Variants in DBN1 observed in about 807,000 individuals in gnomAD.
DBN1 encodes the protein drebrin.
DBN1 carries 21 observed loss-of-function variants against 83.5 expected under a neutral mutation model. That is an observed-to-expected ratio of 0.25 (90% CI 0.18 to 0.36). DBN1 has a LOEUF of 0.36. Among genes scored for constraint, DBN1 ranks in the 10% least tolerant of loss-of-function variants. DBN1 has a pLI of 1.00. For synonymous variants in DBN1, 381 were observed against 384.9 expected (o/e 0.99, Z 0.12); for missense variants, 874 against 935.7 (o/e 0.93, Z 0.86).
intron 8 of DBN1, among the ~76,000 whole-genome samples, chr5:177,462,793 G>A (rs1366235501): frequency 4.6e-5 from 7 of 152,128 alleles, no homozygotes; most frequent in Non-Finnish European, 1.0e-4. Flanking sequence ...CACCTCAGGA[G>A]GGCTATCACC....
In DBN1 at chr5:177,473,507, G is replaced by A. The variant is rs1260319448; in HGVS notation, c.15C>T (p.Ser5=). The part of the protein sequence containing the change: MAGV[S]FSGHRLELLA... ...GCAGCTCCAGGCGGTGGCCGCTGAA[G>A]CTGACGCCGGCCATGCTTCGGGCCG... is the stretch of plus-strand genomic sequence containing the variant. The change falls in exon 1 of 15, where the codon AGC becomes AGT. Residue 5 remains serine, a synonymous_variant. Coordinates refer to ENST00000393565, the MANE Select transcript of DBN1 (RefSeq NM_001363541.2). 7.0e-7 allele frequency: 1 copy of A among 1,429,774 alleles called. No homozygotes were observed. The highest frequency in any genetic ancestry group is 9.2e-7 in the Non-Finnish European group (1 of 1,083,836). 88.6% of individuals were successfully genotyped at this position (1,429,774 alleles called of 1,614,324 possible).
Position 177,468,147 on chromosome 5 carries a change from G to A in DBN1, c.216C>T (p.Asp72=), listed in dbSNP as rs1213128790. 2.5e-6 allele frequency: 4 copies of A among 1,614,058 alleles called. No individual in the cohort carries two copies. Among genetic ancestry groups the A allele is most frequent in the Non-Finnish European group, 3.4e-6 (4 of 1,180,022 alleles). The change falls in exon 3 of 15, where the codon GAC becomes GAT. Residue 72 remains aspartate (D), a synonymous_variant. Transcript: ENST00000393565. ...KVMYGFCSVK[D]SQAALPKYVL... ...CGTATTTTGGCAGAGCAGCTTGGGA[G>A]TCCTTGACACTGCAGAAGCCGTACA... is the stretch of plus-strand genomic sequence containing the variant.
At position 177,466,642 on chromosome 5, in the gene DBN1, T is replaced by A. The variant is rs1018346810; in HGVS notation, c.771+130A>T. ...CCAGGCCTCATGCTCCATGGCACCC[T>A]GTGCCCATGCAGCTCCCCAGAACAG... On this transcript the variant is annotated intron_variant, in intron 8 of 14. Coordinates refer to ENST00000393565, the MANE Select transcript of DBN1 (RefSeq NM_001363541.2). This position sits in a 1 kb window ranked among gnomAD's most constrained non-coding sequence, Gnocchi z 4.8. The A allele has an allele frequency of 5.8e-6, 6 of 1,038,480 alleles. No homozygotes were observed. Among genetic ancestry groups the A allele is most frequent in the Non-Finnish European group, 9.1e-6 (6 of 662,780 alleles). The allele number at this position is 1,038,480 out of a possible 1,614,324, so 64.3% of individuals were successfully genotyped here.
chr5:177,471,940 C>A (rs1248674134), intron 1 of DBN1, among the ~76,000 whole-genome samples: 2 of 152,044 alleles, frequency 1.3e-5, no homozygotes, highest in African/African-American at 4.8e-5. Flanking sequence ...AGGAGGTGTT[C>A]TGGGGTGAGC....
At chr5:177,465,194 C>G (rs934899240) in intron 8 of DBN1, among the ~76,000 whole-genome samples, 1 of 152,168 alleles carries the variant, frequency 6.6e-6, no homozygotes, top group Non-Finnish European at 1.5e-5. Flanking sequence ...AAACCTCACT[C>G]TGAAAGGATA....
chr5:177,459,926 G>A (rs1426762823), intron 10 of DBN1, among the ~76,000 whole-genome samples, 186 bp from the exon 11 acceptor site: 1 of 152,184 alleles, frequency 6.6e-6, no homozygotes, highest in East Asian at 1.9e-4. Context: ...GCCAGCCTGG[G>A]AGCAGTACAG....
intron 1 of DBN1, among the ~76,000 whole-genome samples, chr5:177,471,310 T>C (rs774994715): frequency 1.5e-4 from 23 of 152,086 alleles, no homozygotes; most frequent in Non-Finnish European, 2.6e-4. Context: ...CAGGAACTTG[T>C]GTATGATCAC....
intron 9 of DBN1, 33 bp downstream of exon 9, chr5:177,460,611 C>A (rs752773350): frequency 6.2e-7 from 1 of 1,614,168 alleles, no homozygotes; most frequent in Admixed American, 1.7e-5. Flanking sequence ...ATAGCCCTGT[C>A]TGCCTCACCT....
Position 177,467,779 on chromosome 5 carries a change from A to G in DBN1, c.294T>C (p.Cys98=). The part of the protein sequence containing the change: ...EDVPDARKCA[C]ASHVAKVAEF... Reference sequence around the variant, plus strand: ...CCGCCACCTTAGCCACGTGGCTGGCACAAGCGCACTTGCGGGCATCAGGCA... The same window carrying G: ...CCGCCACCTTAGCCACGTGGCTGGCGCAAGCGCACTTGCGGGCATCAGGCA... Residue 98 remains cysteine (C), a synonymous_variant, in exon 4 of 15, where the codon TGT becomes TGC. Coordinates refer to ENST00000393565, the MANE Select transcript of DBN1 (RefSeq NM_001363541.2). The surrounding 1 kb of genome is among the most constrained non-coding windows in gnomAD (Gnocchi z 9.1). 1.3e-6 allele frequency: 2 copies of G among 1,556,386 alleles called. No homozygotes were observed. The highest frequency in any genetic ancestry group is 1.7e-6 in the Non-Finnish European group (2 of 1,150,030).
chr5:177,457,746 C>G lies in DBN1; in HGVS notation c.1926G>C (p.Gly642=), dbSNP rs146107880. 47 of 1,608,390 alleles carry G rather than the reference C, an allele frequency of 2.9e-5. No individual in the cohort carries two copies. The African/African-American group carries it at 5.7e-4, about 20-fold the overall frequency. ...CCTCCTCCTGTGATTGACTGAAGTA[C>G]CCCTCACTGGCCTGCAGGGGAAAGC... ...TQKEGTQASE[G]YFSQSQEEEF... Residue 642 remains glycine (G), a synonymous_variant, in exon 14 of 15, where the codon GGG becomes GGC. Transcript: ENST00000393565.
intron 10 of DBN1, 128 bp from the exon 11 acceptor site, chr5:177,459,868 C>T: frequency 9.3e-7 from 1 of 1,070,422 alleles, no homozygotes; most frequent in South Asian, 1.9e-5. Context: ...CAGCCAGGGG[C>T]ACAATCAGCC....
Position 177,460,701 on chromosome 5 carries a change from AC to A in DBN1, c.773del (p.Gly258ValfsTer12). The A allele has an allele frequency of 6.2e-7, 1 of 1,613,732 alleles. No homozygotes were observed. The highest frequency in any genetic ancestry group is 8.5e-7 in the Non-Finnish European group (1 of 1,179,880). On this transcript the variant is annotated frameshift_variant and splice_region_variant, in exon 9 of 15. Coordinates refer to ENST00000393565, the MANE Select transcript of DBN1 (RefSeq NM_001363541.2). LOFTEE classifies it high-confidence loss of function. The part of the protein sequence containing the change: ...KRRLKEQSIF[G>X]DHRDEEEETH... ...TCTCTTCCTCCTCATCCCGATGGTC[AC>A]CCTAGAAACCAAAGGGACAGTGTCT...
chr5:177,472,023 A>G (rs1446631915), intron 1 of DBN1: 1 of 1,397,786 alleles, frequency 7.2e-7, no homozygotes, highest in Non-Finnish European at 9.6e-7. Context: ...ACTTGCCCAG[A>G]GCTCCTCCCA....
rs750361708 is a variant in DBN1 at position 177,459,662 on chromosome 5, C to T, written c.1034G>A (p.Arg345Gln). The change falls in exon 11 of 15, where the codon CGG (arginine) becomes CAG (glutamine). Residue 345 changes from arginine to glutamine, a missense_variant. Transcript: ENST00000393565. ...GCAGGTGATATAGGGAAAGGGAGTCCGTGGAGGGGAGGAGGAGGAAGAGGA... is the reference window on the plus strand; with the variant it reads ...GCAGGTGATATAGGGAAAGGGAGTCTGTGGAGGGGAGGAGGAGGAAGAGGA... ...SSSSSSSSPP[R>Q]TPFPYITCHR... 4 of 1,589,080 alleles carry T rather than the reference C, an allele frequency of 2.5e-6. No homozygotes were observed. Among genetic ancestry groups the T allele is most frequent in the African/African-American group, 1.3e-5 (1 of 74,258 alleles).
At chr5:177,459,849 A>C in intron 10 of DBN1, 109 bp from the exon 11 acceptor site, 2 of 1,239,724 alleles carry the variant, frequency 1.6e-6, no homozygotes, top group Non-Finnish European at 2.1e-6. Flanking sequence ...TGGATGTCCA[A>C]GCTGCCTTCA....
At chr5:177,464,642 TAAATAATA>T (rs1757289975) in intron 8 of DBN1, among the ~76,000 whole-genome samples, 2 of 145,426 alleles carry the variant, frequency 1.4e-5, no homozygotes, top group South Asian at 2.2e-4. Context: ...AATAAATAAA[TAAATAATA>T]AACTTTATCT....
intron 11 of DBN1, 83 bp from the exon 12 acceptor site, chr5:177,459,351 C>A (rs1756832554): frequency 6.5e-7 from 1 of 1,538,514 alleles, no homozygotes; most frequent in Non-Finnish European, 8.6e-7. Context: ...CTGGCCAGCA[C>A]CTCCTCTCTG....
At position 177,466,890 on chromosome 5, in the gene DBN1, G is replaced by A. The variant is rs549350724; in HGVS notation, c.707+21C>T. The stretch of plus-strand genomic sequence containing the variant: ...GGGTGCGCCCGGGGGCCCCTGGAGC[G>A]CTCCGGGCGGGCAGGCTCACCTGTG... On this transcript the variant is annotated intron_variant, in intron 7 of 14. Coordinates refer to ENST00000393565, the MANE Select transcript of DBN1 (RefSeq NM_001363541.2). The surrounding 1 kb of genome is among the most constrained non-coding windows in gnomAD (Gnocchi z 4.8). 78 of 1,613,318 alleles carry A rather than the reference G, an allele frequency of 4.8e-5. No homozygotes were observed. In the East Asian group the frequency reaches 7.1e-4, roughly 15 times the overall value.
chr5:177,472,298 C>G lies in DBN1; in HGVS notation c.86+1138G>C, dbSNP rs1159720782. The stretch of plus-strand genomic sequence containing the variant: ...GGGTGAGGCCAGCCCAAGCGGGGTC[C>G]CTCAGACCTGCCCTCCTCTTTGCCT... On this transcript the variant is annotated intron_variant, in intron 1 of 14. Transcript: ENST00000393565. The G allele has an allele frequency of 3.2e-6, 5 of 1,575,378 alleles. No homozygotes were observed. In the East Asian group the frequency reaches 1.2e-4, roughly 37 times the overall value.
Sources: allele counts gnomAD v4.1 joint callset (sites outside exome capture counted in the v4.1 genomes callset), GRCh38; gene constraint gnomAD v4.1.1; non-coding constraint Gnocchi (gnomAD v3.1); transcripts MANE v1.5; gene names NCBI Gene and HGNC (gene_info 2026-07-23, HGNC 2026-07-21).